The following BACH2 variants were observed in gnomAD, a reference collection of about 807,000 sequenced individuals.
The protein encoded by BACH2 is transcription regulator protein BACH2.
A neutral mutation model predicts 61.8 loss-of-function variants in BACH2; 5 were observed. That is an observed-to-expected ratio of 0.08 (90% CI 0.04 to 0.17). BACH2 has a LOEUF of 0.17. Among genes scored for constraint, BACH2 ranks in the 10% least tolerant of loss-of-function variants. The pLI is 1.00. For missense variants in BACH2, 824 were observed against 1,091.1 expected, an observed-to-expected ratio of 0.76 and a Z score of 3.45; for synonymous variants, 446 against 440.1, an observed-to-expected ratio of 1.01 and a Z score of -0.17.
At chr6:90,258,598 A>C (rs537314890) in intron 2 of BACH2, among the ~76,000 whole-genome samples, 1 of 152,202 alleles carries the variant, frequency 6.6e-6, no homozygotes, top group African/African-American at 2.4e-5. Flanking sequence ...TATTTCTGTG[A>C]AGAAGGTCAC....
chr6:90,092,291 A>AAAAAAAAAAAAAAAAAAAAATAT, intron 4 of BACH2, among the ~76,000 whole-genome samples: 1 of 113,842 alleles, frequency 8.8e-6, no homozygotes, highest in African/African-American at 3.6e-5. Flanking sequence ...AAAAAAAAAA[A>AAAAAAAAAAAAAAAAAAAAATAT]ATATATATAT....
chr6:90,237,090 A>C (rs77844882), intron 3 of BACH2, among the ~76,000 whole-genome samples: 37,376 of 151,824 alleles, frequency 0.25, 5,487 homozygotes, highest in Non-Finnish European at 0.34. Context: ...CGCCCGGCTA[A>C]TTTTTCGTAT....
At chr6:89,945,977 A>G (rs1773698965) in intron 7 of BACH2, among the ~76,000 whole-genome samples, 1 of 152,186 alleles carries the variant, frequency 6.6e-6, no homozygotes, top group Non-Finnish European at 1.5e-5. Context: ...TGACTTCTTA[A>G]GGAATATAGC....
intron 8 of BACH2, among the ~76,000 whole-genome samples, chr6:89,933,320 T>C (rs560637370): frequency 4.7e-4 from 71 of 152,236 alleles, no homozygotes; most frequent in Non-Finnish European, 6.3e-4. Flanking sequence ...TCCAACCGTA[T>C]GACATTTCGA....
intron 5 of BACH2, among the ~76,000 whole-genome samples, chr6:90,078,490 T>C (rs1781573965): frequency 6.6e-6 from 1 of 152,162 alleles, no homozygotes; most frequent in Non-Finnish European, 1.5e-5. Flanking sequence ...TAAATGCCTG[T>C]ATTCTTCTGA....
intron 3 of BACH2, among the ~76,000 whole-genome samples, chr6:90,223,118 T>A (rs557858914): frequency 2.2e-4 from 33 of 152,336 alleles, no homozygotes; most frequent in Non-Finnish European, 4.4e-4. Flanking sequence ...AGACGCACCC[T>A]TCTATAGAAG....
chr6:90,167,556 C>T (rs1325152334), intron 4 of BACH2, among the ~76,000 whole-genome samples: 1 of 152,054 alleles, frequency 6.6e-6, no homozygotes, highest in Non-Finnish European at 1.5e-5. Flanking sequence ...CAGGGTTTTA[C>T]CATGTTGTCC....
At chr6:89,941,039 A>G (rs1267519448) in intron 7 of BACH2, among the ~76,000 whole-genome samples, 2 of 152,196 alleles carry the variant, frequency 1.3e-5, no homozygotes, top group Non-Finnish European at 2.9e-5. Context: ...CCAGAAAAAC[A>G]TATGGGTCTG....
chr6:90,181,517 G>A (rs1196954645), intron 4 of BACH2, among the ~76,000 whole-genome samples: 1 of 151,822 alleles, frequency 6.6e-6, no homozygotes, highest in Non-Finnish European at 1.5e-5. Context: ...TCACATTTAT[G>A]TACCTATATA....
rs7747323 is a variant in BACH2, at chr6:89,989,930, C to T, written c.243+18672G>A. The stretch of plus-strand genomic sequence containing the variant: ...AATGTGTGTCCCTCATGGACTCATG[C>T]GTGGGGCATAGAAGGAAGAGAAATT... On this transcript the variant is annotated intron_variant, in intron 6 of 8. Transcript: ENST00000257749. Among the ~76,000 whole-genome samples, 1,267 of 152,160 alleles carry T rather than the reference C, an allele frequency of 8.3e-3. 22 individuals carry two copies. The highest frequency in any genetic ancestry group is 0.028 in the African/African-American group (1,157 of 41,494).
rs1202351913 is a variant in BACH2, at chr6:89,930,613, C to T, written c.*1795G>A. 1 of 152,762 alleles carries T rather than the reference C, an allele frequency of 6.5e-6. No homozygotes were observed. The highest frequency in any genetic ancestry group is 2.4e-5 in the African/African-American group (1 of 41,448). The allele number at this position is 152,762 out of a possible 1,614,324, so 9.5% of individuals were successfully genotyped here. ...CTGATTCCTCCTCCTCTGGGGCACA[C>T]CTTCCTGTAAACGTGGCTGGGGCCA... On this transcript the variant is annotated 3_prime_UTR_variant, in exon 9 of 9. Coordinates refer to ENST00000257749, the MANE Select transcript of BACH2 (RefSeq NM_021813.4).
intron 6 of BACH2, among the ~76,000 whole-genome samples, chr6:90,007,111 G>A (rs1472559998): frequency 2.0e-5 from 3 of 151,922 alleles, no homozygotes; most frequent in Non-Finnish European, 4.4e-5. Context: ...GTCTCGCCCT[G>A]TCACCCAGGC....
At chr6:90,162,538 A>G (rs1767440702) in intron 4 of BACH2, among the ~76,000 whole-genome samples, 1 of 152,142 alleles carries the variant, frequency 6.6e-6, no homozygotes, top group South Asian at 2.1e-4. Flanking sequence ...GCTACTTGGG[A>G]GTCTGAGGTG....
chr6:90,281,391 G>A (rs942341963), intron 1 of BACH2, among the ~76,000 whole-genome samples: 3 of 152,004 alleles, frequency 2.0e-5, no homozygotes, highest in Middle Eastern at 3.2e-3. Context: ...AAAAAACATA[G>A]ACAGTTTTTA....
chr6:90,047,862 T>C (rs554374913), intron 5 of BACH2, among the ~76,000 whole-genome samples: 1 of 152,262 alleles, frequency 6.6e-6, no homozygotes, highest in East Asian at 1.9e-4. Context: ...AGACAATTGA[T>C]TCTCAAAGGT....
chr6:90,073,752 T>C (rs1285132416), intron 5 of BACH2, among the ~76,000 whole-genome samples: 2 of 152,152 alleles, frequency 1.3e-5, no homozygotes, highest in South Asian at 4.1e-4. Context: ...CAAAAAAGGA[T>C]AGGGTTCACA....
chr6:90,084,522 A>G (rs1486222153), intron 5 of BACH2, among the ~76,000 whole-genome samples: 1 of 148,974 alleles, frequency 6.7e-6, no homozygotes, highest in Admixed American at 6.7e-5. Context: ...CTCCTCTACA[A>G]AAATCTTTAA....
intron 5 of BACH2, among the ~76,000 whole-genome samples, chr6:90,087,324 C>A (rs777376974): frequency 6.6e-6 from 1 of 152,130 alleles, no homozygotes; most frequent in African/African-American, 2.4e-5. Flanking sequence ...ATTTAAAATG[C>A]CCAGAAATTT....
At chr6:90,179,402 C>T (rs1477504953) in intron 4 of BACH2, among the ~76,000 whole-genome samples, 1 of 152,230 alleles carries the variant, frequency 6.6e-6, no homozygotes, top group East Asian at 1.9e-4. Flanking sequence ...GTTTCAACTA[C>T]TGCCCCCTCC....
Sources: gnomAD v4.1 joint callset for allele counts (sites outside exome capture counted in the v4.1 genomes callset) on GRCh38, gnomAD v4.1.1 for gene constraint, MANE v1.5 for transcripts, NCBI Gene and HGNC (gene_info 2026-07-23, HGNC 2026-07-21) for gene names.